Variants in XKR9 observed in about 807,000 individuals in gnomAD.
XKR9 encodes XK related 9, also known as XK-related protein 9.
XKR9 carries 32 observed loss-of-function variants against 32.0 expected under a neutral mutation model. The ratio of observed to expected loss-of-function variants is 1.00; its 90% CI spans 0.76 to 1.34. The LOEUF (loss-of-function observed/expected upper bound fraction) is 1.34, where lower values mean the gene tolerates loss of function less well. XKR9 is among the 40% of genes most tolerant of loss of function. XKR9 has a pLI of 0.00. For missense variants in XKR9, 546 were observed against 429.7 expected (o/e 1.27, Z -2.39); for synonymous variants, 168 against 143.4 (o/e 1.17, Z -1.22).
chr8:70,975,849 C>T, the XKR9 span, among the ~76,000 whole-genome samples: 22 of 152,132 alleles, frequency 1.4e-4, no homozygotes, highest in African/African-American at 2.9e-4. Flanking sequence ...GCCATTTTCA[C>T]GATATTGATT....
chr8:70,979,803 G>T, the XKR9 span, among the ~76,000 whole-genome samples: 1 of 152,184 alleles, frequency 6.6e-6, no homozygotes, highest in Admixed American at 6.5e-5. Flanking sequence ...CCGTCAGATA[G>T]GGATGTTTAA....
chr8:71,001,913 G>A, the XKR9 span, among the ~76,000 whole-genome samples: 1 of 152,096 alleles, frequency 6.6e-6, no homozygotes, highest in African/African-American at 2.4e-5. Flanking sequence ...TCCAAATATA[G>A]GTAAAACTCT....
At chr8:70,908,863 A>G in the XKR9 span, among the ~76,000 whole-genome samples, 1 of 152,198 alleles carries the variant, frequency 6.6e-6, no homozygotes, top group African/African-American at 2.4e-5. Context: ...TAGTTTGCCA[A>G]CCCCTGCTCT....
At chr8:70,844,091 AAG>A in the XKR9 span, among the ~76,000 whole-genome samples, 2 of 152,160 alleles carry the variant, frequency 1.3e-5, no homozygotes, top group African/African-American at 4.8e-5. Flanking sequence ...CCCCAGGACA[AAG>A]AGAGCTACAA....
chr8:70,885,053 C>A, the XKR9 span, among the ~76,000 whole-genome samples: 1 of 151,934 alleles, frequency 6.6e-6, no homozygotes, highest in Non-Finnish European at 1.5e-5. Context: ...ATTTCTTTCA[C>A]AGAGTTTTGT....
rs1819057959 is a variant in XKR9 at position 70,680,972 on chromosome 8, CA to C, written c.-84del. The C allele has an allele frequency of 1.6e-6, 2 of 1,288,284 alleles. No individual in the cohort carries two copies. Among genetic ancestry groups the C allele is most frequent in the African/African-American group, 1.5e-5 (1 of 67,160 alleles). The allele number at this position is 1,288,284 out of a possible 1,614,324, so 79.8% of individuals were successfully genotyped here. A position where few individuals can be genotyped will look rare whatever the true frequency, so the allele number is the denominator to read the frequency against. ...TAGAAATTAAAATTCAATGCTATAC[CA>C]AAGGGTATACTAATATTTGTTTGGC... On this transcript the variant is annotated 5_prime_UTR_variant, in exon 3 of 5. An upstream open reading frame in the 5' UTR loses its in-frame stop. Coordinates refer to ENST00000408926, the MANE Select transcript of XKR9 (RefSeq NM_001011720.2).
chr8:70,741,863 C>A (rs1476417459), intron 2 of XKR9, among the ~76,000 whole-genome samples: 3 of 152,218 alleles, frequency 2.0e-5, no homozygotes, highest in East Asian at 3.9e-4. Flanking sequence ...TTTTGAGGAA[C>A]CTTTATACTG....
the XKR9 span, among the ~76,000 whole-genome samples, chr8:70,989,391 G>A: frequency 6.6e-6 from 1 of 152,192 alleles, no homozygotes; most frequent in Non-Finnish European, 1.5e-5. Context: ...AATTTGTTAT[G>A]TGAGGAATTG....
At chr8:70,790,634 A>G (rs1354251728), downstream of XKR9, among the ~76,000 whole-genome samples, 1 of 152,068 alleles carries the variant, frequency 6.6e-6, no homozygotes, top group Non-Finnish European at 1.5e-5. Context: ...GCCTTTTTAT[A>G]TCCTAGTATA....
chr8:71,036,533 A>T, the XKR9 span, among the ~76,000 whole-genome samples: 1 of 152,148 alleles, frequency 6.6e-6, no homozygotes, highest in East Asian at 1.9e-4. Flanking sequence ...GGGGTCAAAG[A>T]ACAGGGGATA....
At chr8:70,806,384 C>T in the XKR9 span, among the ~76,000 whole-genome samples, 1 of 152,130 alleles carries the variant, frequency 6.6e-6, no homozygotes, top group African/African-American at 2.4e-5. Context: ...CAACATTTCT[C>T]CAGCAAAAGT....
At chr8:70,678,922 T>C (rs1338294275) in intron 2 of XKR9, among the ~76,000 whole-genome samples, 1 of 152,206 alleles carries the variant, frequency 6.6e-6, no homozygotes, top group Non-Finnish European at 1.5e-5. Context: ...TATAGAAACA[T>C]AGTGTGTTAA....
At chr8:71,017,942 A>T in the XKR9 span, among the ~76,000 whole-genome samples, 1 of 152,324 alleles carries the variant, frequency 6.6e-6, no homozygotes, top group East Asian at 1.9e-4. Context: ...TGAATATGTG[A>T]ACTAAATAGG....
chr8:71,045,561 TA>T, the XKR9 span, among the ~76,000 whole-genome samples: 1 of 152,158 alleles, frequency 6.6e-6, no homozygotes, highest in African/African-American at 2.4e-5. Flanking sequence ...CAGAACGAGG[TA>T]GCACTTTTGT....
the XKR9 span, among the ~76,000 whole-genome samples, chr8:70,882,340 A>C: frequency 1.3e-5 from 2 of 151,868 alleles, no homozygotes; most frequent in African/African-American, 4.8e-5. Flanking sequence ...GTAAGATTTA[A>C]AAAATGCAGA....
chr8:70,978,675 C>G, the XKR9 span, among the ~76,000 whole-genome samples: 6 of 152,096 alleles, frequency 3.9e-5, no homozygotes, highest in Non-Finnish European at 7.4e-5. Context: ...ACATTTTGTC[C>G]TTCATTTCAA....
the XKR9 span, among the ~76,000 whole-genome samples, chr8:71,049,953 G>C: frequency 6.6e-6 from 1 of 152,054 alleles, no homozygotes; most frequent in Non-Finnish European, 1.5e-5. Flanking sequence ...CTGACTGAAA[G>C]GTTGGGTCAA....
chr8:70,777,118 C>T (rs958132064), intron 2 of XKR9, among the ~76,000 whole-genome samples: 13 of 151,534 alleles, frequency 8.6e-5, no homozygotes, highest in African/African-American at 1.7e-4. Flanking sequence ...GACCCCACCC[C>T]GTGACTGGCC....
At chr8:70,914,354 C>T in the XKR9 span, among the ~76,000 whole-genome samples, 11 of 152,280 alleles carry the variant, frequency 7.2e-5, no homozygotes, top group African/African-American at 2.2e-4. Context: ...ATATTACTTC[C>T]ACCAGTAATG....
Sources: allele counts gnomAD v4.1 joint callset (sites outside exome capture counted in the v4.1 genomes callset), GRCh38; gene constraint gnomAD v4.1.1; transcripts MANE v1.5; gene names NCBI Gene and HGNC (gene_info 2026-07-23, HGNC 2026-07-21).